Variants in PDGFD observed in about 807,000 individuals in gnomAD.
The protein encoded by PDGFD is platelet derived growth factor D.
Under a neutral mutation model 44.7 loss-of-function variants are expected in PDGFD, and 30 were observed. That is an observed-to-expected ratio of 0.67 (90% CI 0.50 to 0.91). The LOEUF is 0.91. Ranked by LOEUF, PDGFD falls within the 40% of genes least tolerant of loss-of-function variation. The pLI is 0.00. For missense variants in PDGFD, 445 were observed against 457.8 expected, an observed-to-expected ratio of 0.97 and a Z score of 0.25; for synonymous variants, 173 against 168.4, an observed-to-expected ratio of 1.03 and a Z score of -0.21.
chr11:104,137,959 T>C (rs1219349058), intron 1 of PDGFD, among the ~76,000 whole-genome samples: 1 of 152,102 alleles, frequency 6.6e-6, no homozygotes, highest in Non-Finnish European at 1.5e-5. Flanking sequence ...TTTCCATTGC[T>C]TGCTTACAAG....
At chr11:104,078,156 GCCAGT>G (rs1445732420) in intron 1 of PDGFD, among the ~76,000 whole-genome samples, 15 of 152,300 alleles carry the variant, frequency 9.8e-5, no homozygotes, top group East Asian at 5.8e-4. Context: ...GCACTCATCA[GCCAGT>G]CCATAAAACA....
At chr11:104,021,527 G>C (rs1040880275) in intron 1 of PDGFD, among the ~76,000 whole-genome samples, 1 of 152,100 alleles carries the variant, frequency 6.6e-6, no homozygotes, top group Non-Finnish European at 1.5e-5. Context: ...GTCATCCACT[G>C]TTTCTACTAG....
chr11:104,084,468 G>C (rs1340986641), intron 1 of PDGFD, among the ~76,000 whole-genome samples: 2 of 152,042 alleles, frequency 1.3e-5, no homozygotes, highest in Non-Finnish European at 2.9e-5. Flanking sequence ...ACAGAAGAGA[G>C]AAAAGTGCAG....
chr11:104,152,539 CT>C (rs1436889927), intron 1 of PDGFD, among the ~76,000 whole-genome samples: 9 of 152,170 alleles, frequency 5.9e-5, no homozygotes, highest in African/African-American at 2.2e-4. Context: ...ATTTTTACCT[CT>C]TTTTTGAACC....
chr11:104,021,215 C>T (rs1347618520), intron 1 of PDGFD, among the ~76,000 whole-genome samples: 3 of 152,218 alleles, frequency 2.0e-5, no homozygotes, highest in Admixed American at 1.3e-4. Context: ...GAATGACCTA[C>T]TGAATAACTA....
intron 1 of PDGFD, among the ~76,000 whole-genome samples, chr11:104,027,102 T>G (rs745705767): frequency 7.2e-5 from 11 of 152,248 alleles, no homozygotes; most frequent in Non-Finnish European, 1.3e-4. Flanking sequence ...CTTTGCAGAC[T>G]GCTATGGTTA....
chr11:103,963,365 T>A (rs926075868), intron 3 of PDGFD, among the ~76,000 whole-genome samples: 1 of 152,196 alleles, frequency 6.6e-6, no homozygotes, highest in African/African-American at 2.4e-5. Context: ...AGTTTGGGTC[T>A]TCTCAAAGAG....
intron 1 of PDGFD, among the ~76,000 whole-genome samples, chr11:104,115,323 A>G (rs977277648): frequency 1.3e-5 from 2 of 149,908 alleles, no homozygotes; most frequent in Non-Finnish European, 3.0e-5. Flanking sequence ...ACTACTATAT[A>G]TAGTCATATA....
intron 1 of PDGFD, among the ~76,000 whole-genome samples, chr11:104,075,456 T>C (rs984695742): frequency 2.0e-5 from 3 of 152,090 alleles, no homozygotes; most frequent in African/African-American, 7.2e-5. Flanking sequence ...TAATAGAGAC[T>C]GTACTTTGGT....
At chr11:104,063,202 C>G (rs749564331) in intron 1 of PDGFD, among the ~76,000 whole-genome samples, 1 of 151,964 alleles carries the variant, frequency 6.6e-6, no homozygotes, top group Non-Finnish European at 1.5e-5. Flanking sequence ...AATACACATA[C>G]TCAGGCAATA....
intron 1 of PDGFD, among the ~76,000 whole-genome samples, chr11:104,102,716 G>C (rs931564640): frequency 6.6e-6 from 1 of 152,158 alleles, no homozygotes; most frequent in Non-Finnish European, 1.5e-5. Flanking sequence ...AAGAAAATGT[G>C]GCACATATAC....
intron 1 of PDGFD, among the ~76,000 whole-genome samples, chr11:104,122,824 G>A (rs1285386596): frequency 2.0e-5 from 3 of 151,886 alleles, no homozygotes; most frequent in Admixed American, 1.3e-4. Flanking sequence ...TGTACAACTT[G>A]TGTTGATCCT....
chr11:104,017,805 A>G (rs1418744298), intron 1 of PDGFD, among the ~76,000 whole-genome samples: 1 of 152,192 alleles, frequency 6.6e-6, no homozygotes, highest in Admixed American at 6.5e-5. Flanking sequence ...TACACATTAG[A>G]GACTTGGAGA....
rs1022777473 is a variant in PDGFD, at chr11:103,909,504, T to C, written c.*190A>G. 2 of 630,044 alleles carry C rather than the reference T, an allele frequency of 3.2e-6. No individual in the cohort carries two copies. The highest frequency in any genetic ancestry group is 1.9e-5 in the South Asian group (1 of 51,594). The allele number at this position is 630,044 out of a possible 1,614,324, so 39.0% of individuals were successfully genotyped here. On this transcript the variant is annotated 3_prime_UTR_variant, in exon 7 of 7. Coordinates refer to ENST00000393158, the MANE Select transcript of PDGFD (RefSeq NM_025208.5). Reference sequence around the variant, plus strand: ...AAATGCAATCCTATATTCTTAGGTATAGAAGTTGATGATATACCTTTCTAC... The same window carrying C: ...AAATGCAATCCTATATTCTTAGGTACAGAAGTTGATGATATACCTTTCTAC...
intron 1 of PDGFD, among the ~76,000 whole-genome samples, chr11:104,127,411 T>C (rs769849290): frequency 2.3e-4 from 35 of 152,090 alleles, no homozygotes; most frequent in Admixed American, 1.3e-3. Context: ...ACCACTATTA[T>C]AGACACAAGG....
chr11:104,108,558 C>T (rs1001451283), intron 1 of PDGFD, among the ~76,000 whole-genome samples: 50 of 152,242 alleles, frequency 3.3e-4, no homozygotes, highest in African/African-American at 1.1e-3. Flanking sequence ...ACAACAGGTG[C>T]TGGAGAGGAT....
intron 1 of PDGFD, among the ~76,000 whole-genome samples, chr11:104,048,464 A>T (rs1353583296): frequency 6.6e-6 from 1 of 152,132 alleles, no homozygotes; most frequent in Non-Finnish European, 1.5e-5. Flanking sequence ...CACCTCAAAC[A>T]TTCTGTATCT....
At chr11:104,141,955 C>T (rs892955956) in intron 1 of PDGFD, among the ~76,000 whole-genome samples, 1 of 152,104 alleles carries the variant, frequency 6.6e-6, no homozygotes, top group Non-Finnish European at 1.5e-5. Flanking sequence ...AACTAATATA[C>T]CATCTTTATA....
chr11:103,916,075 G>A (rs1189154115), intron 6 of PDGFD, among the ~76,000 whole-genome samples: 1 of 152,072 alleles, frequency 6.6e-6, no homozygotes, highest in Non-Finnish European at 1.5e-5. Context: ...GGCAACAAAA[G>A]CCAAAATAGA....
Sources: allele counts gnomAD v4.1 joint callset (sites outside exome capture counted in the v4.1 genomes callset), GRCh38; gene constraint gnomAD v4.1.1; transcripts MANE v1.5; gene names NCBI Gene and HGNC (gene_info 2026-07-23, HGNC 2026-07-21).